Variants in CIAO2A observed in about 807,000 individuals in gnomAD.
CIAO2A encodes the protein cytosolic iron-sulfur assembly component 2A, also known as MIP18 family protein FAM96A.
Under a neutral mutation model 22.4 loss-of-function variants are expected in CIAO2A, and 17 were observed. The ratio of observed to expected loss-of-function variants is 0.76; its 90% CI spans 0.52 to 1.14. CIAO2A has a LOEUF of 1.14. Among genes scored for constraint, CIAO2A ranks in the 50% most tolerant of loss-of-function variants. The pLI is 0.00. For synonymous variants in CIAO2A, 74 were observed against 72.3 expected (o/e 1.02, Z -0.12); for missense variants, 192 against 191.4 (o/e 1.00, Z -0.02).
chr15:64,083,987 C>T (rs867780028), intron 2 of CIAO2A, among the ~76,000 whole-genome samples: 1 of 151,758 alleles, frequency 6.6e-6, no homozygotes, highest in African/African-American at 2.4e-5. Flanking sequence ...AAATAAAAAG[C>T]CAATGGTCTT....
chr15:64,085,674 A>ACAGC, intron 2 of CIAO2A, among the ~76,000 whole-genome samples: 1 of 152,274 alleles, frequency 6.6e-6, no homozygotes, highest in South Asian at 2.1e-4. Context: ...ACAATACGGT[A>ACAGC]CAGCCAATAG....
chr15:64,093,537 A>T (rs1411326560), intron 1 of CIAO2A, 108 bp downstream of exon 1: 3 of 1,305,422 alleles, frequency 2.3e-6, no homozygotes, highest in Non-Finnish European at 3.1e-6. Flanking sequence ...AAACAAACAA[A>T]AAAAAAGGTC....
rs895884560 is a variant in CIAO2A, at chr15:64,072,568, G to A, written c.*363C>T. On this transcript the variant is annotated 3_prime_UTR_variant, in exon 5 of 5. Transcript: ENST00000300030. ...CAATAAAAACAGTGAGTCATTATAA[G>A]AATCATCTGCTTATTTATTTTACAG... 2 of 161,380 alleles carry A rather than the reference G, an allele frequency of 1.2e-5. No homozygotes were observed. The highest frequency in any genetic ancestry group is 2.7e-5 in the Non-Finnish European group (2 of 74,236). 10.0% of individuals were successfully genotyped at this position (161,380 alleles called of 1,614,324 possible). A position where few individuals can be genotyped will look rare whatever the true frequency, so the allele number is the denominator to read the frequency against.
At chr15:64,089,339 A>G (rs1310898295) in intron 1 of CIAO2A, among the ~76,000 whole-genome samples, 1 of 152,130 alleles carries the variant, frequency 6.6e-6, no homozygotes, top group Non-Finnish European at 1.5e-5. Context: ...CCTCAGCAAC[A>G]TAATGAGACC....
At chr15:64,093,516 A>T (rs763165900) in intron 1 of CIAO2A, 129 bp downstream of exon 1, 22 of 1,058,884 alleles carry the variant, frequency 2.1e-5, no homozygotes, top group Non-Finnish European at 2.9e-5. Context: ...TCTGGCCAAA[A>T]ACAAACAAAC....
At chr15:64,085,265 T>A (rs888832647) in intron 2 of CIAO2A, among the ~76,000 whole-genome samples, 2 of 152,202 alleles carry the variant, frequency 1.3e-5, no homozygotes, top group African/African-American at 4.8e-5. Flanking sequence ...CCAGGTATGG[T>A]GGCTCATGCC....
At chr15:64,091,312 C>T (rs1211231711) in intron 1 of CIAO2A, among the ~76,000 whole-genome samples, 1 of 151,954 alleles carries the variant, frequency 6.6e-6, no homozygotes, top group Non-Finnish European at 1.5e-5. Context: ...TGGCAAAAAC[C>T]CGTCTCTACT....
At chr15:64,084,679 G>A (rs1197077400) in intron 2 of CIAO2A, among the ~76,000 whole-genome samples, 1 of 152,148 alleles carries the variant, frequency 6.6e-6, no homozygotes, top group Non-Finnish European at 1.5e-5. Flanking sequence ...TGAGGCAGGA[G>A]AATCGCTTGA....
chr15:64,086,028 G>GT (rs1461085854), intron 2 of CIAO2A, among the ~76,000 whole-genome samples: 3 of 151,666 alleles, frequency 2.0e-5, no homozygotes, highest in Admixed American at 6.6e-5. Flanking sequence ...ATAATAGCTG[G>GT]TTTTTTTCTT....
chr15:64,085,496 T>C (rs955531905), intron 2 of CIAO2A, among the ~76,000 whole-genome samples: 1 of 152,180 alleles, frequency 6.6e-6, no homozygotes, highest in African/African-American at 2.4e-5. Context: ...AGTGAGACCC[T>C]GTCTCAACAA....
intron 3 of CIAO2A, among the ~76,000 whole-genome samples, chr15:64,078,509 G>A (rs866294808): frequency 5.3e-5 from 8 of 152,040 alleles, no homozygotes; most frequent in Non-Finnish European, 7.4e-5. Context: ...GGTGGTATGC[G>A]CCTGTAATCC....
In CIAO2A at chr15:64,088,720, T is replaced by C. The variant is rs748542366; in HGVS notation, c.256A>G (p.Thr86Ala). Residue 86 changes from threonine (T) to alanine (A), a missense_variant, in exon 2 of 5, where the codon ACA becomes GCA. Transcript: ENST00000300030. ...EYLVIIRFTPTVPHCSLATLI... is the reference protein window; with the variant it reads ...EYLVIIRFTPAVPHCSLATLI... Reference sequence around the variant, plus strand: ...GTCGCCAAAGAGCAATGAGGTACTGTTGGCGTGAACCTGATAATAACCAGA... The same window carrying C: ...GTCGCCAAAGAGCAATGAGGTACTGCTGGCGTGAACCTGATAATAACCAGA... 5 of 1,613,726 alleles carry C rather than the reference T, an allele frequency of 3.1e-6. No individual in the cohort carries two copies. Among genetic ancestry groups the C allele is most frequent in the Non-Finnish European group, 4.2e-6 (5 of 1,179,912 alleles).
At chr15:64,077,553 G>A (rs2080728308) in intron 3 of CIAO2A, among the ~76,000 whole-genome samples, 1 of 152,184 alleles carries the variant, frequency 6.6e-6, no homozygotes, top group East Asian at 1.9e-4. Context: ...TGAATTTATA[G>A]GCCTCTGATG....
chr15:64,086,688 A>G (rs1436985486), intron 2 of CIAO2A, among the ~76,000 whole-genome samples: 1 of 149,828 alleles, frequency 6.7e-6, no homozygotes, highest in Non-Finnish European at 1.5e-5. Context: ...ATCTCAGCTC[A>G]CTGCAACCTC....
chr15:64,088,689 A>T lies in CIAO2A; in HGVS notation c.287T>A (p.Ile96Asn). 6.2e-7 allele frequency: 1 copy of T among 1,607,374 alleles called. No individual in the cohort carries two copies. Among genetic ancestry groups the T allele is most frequent in the Non-Finnish European group, 8.5e-7 (1 of 1,178,006 alleles). Reference protein sequence around the residue: ...TVPHCSLATLIGLCLRVKLQR... With the variant: ...TVPHCSLATLNGLCLRVKLQR... ...CATGTATGTACAGAAAAACTTACCA[A>T]TAAGAGTCGCCAAAGAGCAATGAGG... The change falls in exon 2 of 5, where the codon ATT becomes AAT. Residue 96 changes from isoleucine to asparagine, a missense_variant and splice_region_variant. By Grantham distance (149) the Ile-to-Asn change is moderately radical (BLOSUM62 -3). Coordinates refer to ENST00000300030, the MANE Select transcript of CIAO2A (RefSeq NM_032231.7).
Position 64,088,726 on chromosome 15 carries a change from T to C in CIAO2A, c.250A>G (p.Thr84Ala). ...AAAGAGCAATGAGGTACTGTTGGCGTGAACCTGATAATAACCAGATATTCT... is the reference window on the plus strand; with the variant it reads ...AAAGAGCAATGAGGTACTGTTGGCGCGAACCTGATAATAACCAGATATTCT... ...EEEYLVIIRF[T>A]PTVPHCSLAT... The change falls in exon 2 of 5, where the codon ACG becomes GCG. Residue 84 changes from threonine to alanine, a missense_variant. Coordinates refer to ENST00000300030, the MANE Select transcript of CIAO2A (RefSeq NM_032231.7). 2 of 1,613,832 alleles carry C rather than the reference T, an allele frequency of 1.2e-6. No homozygotes were observed. The highest frequency in any genetic ancestry group is 1.7e-6 in the Non-Finnish European group (2 of 1,179,926).
intron 3 of CIAO2A, among the ~76,000 whole-genome samples, 154 bp downstream of exon 3, chr15:64,080,948 G>C (rs1166291949): frequency 6.6e-6 from 1 of 152,092 alleles, no homozygotes; most frequent in Non-Finnish European, 1.5e-5. Context: ...TAGACAAAAA[G>C]TAGAAACAAC....
At chr15:64,080,874 G>C (rs935149847) in intron 3 of CIAO2A, among the ~76,000 whole-genome samples, 2 of 152,164 alleles carry the variant, frequency 1.3e-5, no homozygotes, top group East Asian at 1.9e-4. Flanking sequence ...AGGTGGAAAA[G>C]AAATGAAAAT....
chr15:64,087,084 CTTTTTTTTTTT>C (rs766247330), intron 2 of CIAO2A, among the ~76,000 whole-genome samples: 3 of 76,062 alleles, frequency 3.9e-5, no homozygotes, highest in South Asian at 5.0e-4. Context: ...GCTAATTTTG[CTTTTTTTTTTT>C]TTTTTTTTTT....
Sources: allele counts gnomAD v4.1 joint callset (sites outside exome capture counted in the v4.1 genomes callset), GRCh38; gene constraint gnomAD v4.1.1; transcripts MANE v1.5; gene names NCBI Gene and HGNC (gene_info 2026-07-23, HGNC 2026-07-21).